The following PPM1H variants were observed in gnomAD, a reference collection of about 807,000 sequenced individuals.
PPM1H encodes the protein protein phosphatase, Mg2+/Mn2+ dependent 1H, also known as protein phosphatase 1H.
In PPM1H, 27 loss-of-function variants were observed where a neutral mutation model predicts 54.9. The ratio of observed to expected loss-of-function variants is 0.49; its 90% CI spans 0.36 to 0.68. The LOEUF (loss-of-function observed/expected upper bound fraction) is 0.68, where lower values mean the gene tolerates loss of function less well. Among genes scored for constraint, PPM1H ranks in the 30% least tolerant of loss-of-function variants. The pLI is 0.00. For synonymous variants in PPM1H, 305 were observed against 270.8 expected (o/e 1.13, Z -1.24); for missense variants, 596 against 667.8 (o/e 0.89, Z 1.19).
chr12:62,869,036 C>T (rs751080836), intron 1 of PPM1H, among the ~76,000 whole-genome samples: 16 of 152,208 alleles, frequency 1.1e-4, no homozygotes, highest in African/African-American at 1.9e-4. Context: ...GAAGTACACA[C>T]AGTCACACAG....
At chr12:62,864,816 T>C (rs1043891208) in intron 1 of PPM1H, among the ~76,000 whole-genome samples, 1 of 152,212 alleles carries the variant, frequency 6.6e-6, no homozygotes, top group Non-Finnish European at 1.5e-5. Context: ...TCAAGTTCCC[T>C]TAAGCTAAGC....
chr12:62,915,162 T>TTTG (rs1340004404), intron 1 of PPM1H, among the ~76,000 whole-genome samples: 1 of 152,236 alleles, frequency 6.6e-6, no homozygotes, highest in Non-Finnish European at 1.5e-5. Context: ...GTTTTTGTTT[T>TTTG]TTGTTGTTGT....
chr12:62,778,047 T>A (rs1399700413), intron 4 of PPM1H, among the ~76,000 whole-genome samples: 1 of 152,226 alleles, frequency 6.6e-6, no homozygotes, highest in Non-Finnish European at 1.5e-5. Flanking sequence ...TTCTTCACTA[T>A]GTTTGACAGC....
intron 3 of PPM1H, 90 bp downstream of exon 3, chr12:62,801,726 G>A: frequency 7.1e-7 from 1 of 1,400,930 alleles, no homozygotes; most frequent in Non-Finnish European, 9.7e-7. Context: ...GCAAAACCGT[G>A]CGCTTTCTGG....
intron 1 of PPM1H, among the ~76,000 whole-genome samples, chr12:62,851,574 G>A (rs892164152): frequency 1.3e-5 from 2 of 152,012 alleles, no homozygotes; most frequent in Admixed American, 1.3e-4. Context: ...ATGGTGGCAG[G>A]CACCTGTAAT....
chr12:62,734,208 C>T (rs916738372), intron 5 of PPM1H, among the ~76,000 whole-genome samples: 1 of 151,516 alleles, frequency 6.6e-6, no homozygotes, highest in African/African-American at 2.4e-5. Flanking sequence ...CCTCACCAGA[C>T]CTTGACTCTA....
chr12:62,710,249 G>T (rs550858956), intron 6 of PPM1H, among the ~76,000 whole-genome samples: 1 of 151,706 alleles, frequency 6.6e-6, no homozygotes, highest in African/African-American at 2.4e-5. Flanking sequence ...TCCAGCATCA[G>T]CTGAGTGCAG....
At chr12:62,711,773 G>A (rs1325564307) in intron 6 of PPM1H, among the ~76,000 whole-genome samples, 3 of 152,222 alleles carry the variant, frequency 2.0e-5, no homozygotes, top group African/African-American at 7.2e-5. Flanking sequence ...GTGTGTGAGT[G>A]CATTCATGCG....
intron 5 of PPM1H, among the ~76,000 whole-genome samples, chr12:62,721,786 C>T (rs1010982181): frequency 3.9e-5 from 6 of 152,168 alleles, no homozygotes; most frequent in African/African-American, 1.2e-4. Context: ...ATATATCCCA[C>T]ACTGCTGTTT....
intron 6 of PPM1H, among the ~76,000 whole-genome samples, chr12:62,704,082 C>T (rs2076159874): frequency 6.6e-6 from 1 of 151,564 alleles, no homozygotes; most frequent in Non-Finnish European, 1.5e-5. Context: ...TAAATGTCAT[C>T]TTTTAGAGTC....
intron 8 of PPM1H, among the ~76,000 whole-genome samples, chr12:62,670,015 T>C (rs1023734233): frequency 1.4e-5 from 2 of 143,778 alleles, no homozygotes; most frequent in Non-Finnish European, 3.0e-5. Context: ...TTTGCTCTTG[T>C]TGCCCAGGCT....
intron 1 of PPM1H, among the ~76,000 whole-genome samples, chr12:62,853,156 G>A (rs1476981984): frequency 6.6e-6 from 1 of 152,140 alleles, no homozygotes; most frequent in Non-Finnish European, 1.5e-5. Flanking sequence ...ATAATGGTTT[G>A]TGCTTCTGCA....
At chr12:62,836,004 C>T (rs1168689308) in intron 1 of PPM1H, among the ~76,000 whole-genome samples, 1 of 152,182 alleles carries the variant, frequency 6.6e-6, no homozygotes, top group Non-Finnish European at 1.5e-5. Context: ...CAACAGATTC[C>T]TTAAAGGCAA....
intron 6 of PPM1H, among the ~76,000 whole-genome samples, chr12:62,694,491 T>TA (rs969772718): frequency 2.6e-5 from 4 of 152,324 alleles, no homozygotes; most frequent in African/African-American, 9.6e-5. Context: ...GCAAGGTTGG[T>TA]AAAACATTCT....
At chr12:62,932,628 C>CTTTGTTTTTTTTTTT (rs1872177121) in intron 1 of PPM1H, among the ~76,000 whole-genome samples, 1 of 54,014 alleles carries the variant, frequency 1.9e-5, no homozygotes, top group Non-Finnish European at 3.2e-5. Flanking sequence ...TCCAAATGGG[C>CTTTGTTTTTTTTTTT]TTTTTTTTTT....
At chr12:62,744,816 C>T (rs2076401533) in intron 4 of PPM1H, among the ~76,000 whole-genome samples, 1 of 152,222 alleles carries the variant, frequency 6.6e-6, no homozygotes, top group Non-Finnish European at 1.5e-5. Flanking sequence ...GGAGTCTCCA[C>T]TGAGACACTT....
At chr12:62,738,054 G>A (rs540258646) in intron 4 of PPM1H, among the ~76,000 whole-genome samples, 2 of 152,284 alleles carry the variant, frequency 1.3e-5, no homozygotes, top group East Asian at 1.9e-4. Flanking sequence ...TGCAGGCAAG[G>A]AACTGAATTT....
At chr12:62,825,720 C>G (rs1016236491) in intron 2 of PPM1H, among the ~76,000 whole-genome samples, 1 of 152,010 alleles carries the variant, frequency 6.6e-6, no homozygotes, top group Non-Finnish European at 1.5e-5. Flanking sequence ...ACATCACACA[C>G]AGGGGCCTGT....
intron 8 of PPM1H, among the ~76,000 whole-genome samples, chr12:62,668,086 A>G (rs1478594442): frequency 6.6e-6 from 1 of 152,126 alleles, no homozygotes; most frequent in African/African-American, 2.4e-5. Flanking sequence ...ACCTTAAATG[A>G]CTTGGATATT....
Sources: gnomAD v4.1 joint callset for allele counts (sites outside exome capture counted in the v4.1 genomes callset) on GRCh38, gnomAD v4.1.1 for gene constraint, MANE v1.5 for transcripts, NCBI Gene and HGNC (gene_info 2026-07-23, HGNC 2026-07-21) for gene names.